The following PPM1B variants were observed in gnomAD, a reference collection of about 807,000 sequenced individuals.
PPM1B encodes the protein protein phosphatase, Mg2+/Mn2+ dependent 1B.
Under a neutral mutation model 43.0 loss-of-function variants are expected in PPM1B, and 22 were observed. That is an observed-to-expected ratio of 0.51 (90% CI 0.37 to 0.73). The LOEUF (loss-of-function observed/expected upper bound fraction) is 0.73, where lower values mean the gene tolerates loss of function less well. PPM1B is among the 30% of genes least tolerant of loss of function. The probability of loss-of-function intolerance (pLI) is 0.00; values close to 1 mark genes in which losing one functional copy is unlikely to be tolerated. For synonymous variants in PPM1B, 217 were observed against 197.9 expected, an observed-to-expected ratio of 1.10 and a Z score of -0.81; for missense variants, 632 against 584.2, an observed-to-expected ratio of 1.08 and a Z score of -0.84.
In PPM1B at chr2:44,207,149, A is replaced by G. The variant is rs17032043; in HGVS notation, c.847-2061A>G. On this transcript the variant is annotated intron_variant, in intron 2 of 5. Transcript: ENST00000282412. ...TATTTTGAAGTCTTCTGAAGACCCA[A>G]CCTTCACTGCCTTCAAACTTTACTC... is the stretch of plus-strand genomic sequence containing the variant. Among the ~76,000 whole-genome samples, 404 of 152,278 alleles carry G rather than the reference A, an allele frequency of 2.7e-3. 3 individuals carry two copies. The highest frequency in any genetic ancestry group is 8.9e-3 in the African/African-American group (370 of 41,532).
At chr2:44,206,236 A>G (rs1669182636) in intron 2 of PPM1B, among the ~76,000 whole-genome samples, 2 of 152,328 alleles carry the variant, frequency 1.3e-5, no homozygotes, top group East Asian at 1.9e-4. Context: ...AGAAAAAAAA[A>G]TGTTTTATTT....
chr2:44,214,733 AACTG>A (rs990669890), intron 3 of PPM1B, among the ~76,000 whole-genome samples: 2 of 152,176 alleles, frequency 1.3e-5, no homozygotes, highest in African/African-American at 2.4e-5. Context: ...GTTTTCAGTA[AACTG>A]ACTGAGCAGG....
chr2:44,244,287 CAGTGGCTGGCAGACCTTCCA>C, exon 6 of PPM1B: 7 of 1,360,096 alleles, frequency 5.1e-6, no homozygotes, highest in Non-Finnish European at 6.9e-6. Context: ...ACAAGAAAGG[CAGTGGCTGGCAGACCTTCCA>C]AGCACTCAGA....
chr2:44,239,473 A>AT (rs1440344790), downstream of PPM1B, among the ~76,000 whole-genome samples: 4 of 151,516 alleles, frequency 2.6e-5, no homozygotes, highest in African/African-American at 7.3e-5. Context: ...GCTATTTGTC[A>AT]TTTTTTTGCT....
chr2:44,197,690 T>G (rs935238509), intron 1 of PPM1B, among the ~76,000 whole-genome samples: 2 of 152,178 alleles, frequency 1.3e-5, no homozygotes, highest in Admixed American at 6.5e-5. Context: ...AATGCAAGAT[T>G]TAGGCTAGTC....
chr2:44,228,187 C>CTTTTT lies in PPM1B; in HGVS notation c.1135-2210_1135-2206dup, dbSNP rs372577752. Reference sequence around the variant, plus strand: ...TCCACCCGCCTCAGCCTAACAAGCCCTTTTTTTTTTTTTTTTTTTTAAGAG... The same window carrying CTTTTT: ...TCCACCCGCCTCAGCCTAACAAGCCCTTTTTTTTTTTTTTTTTTTTTTTTTAAGAG... On this transcript the variant is annotated intron_variant, in intron 5 of 5. Transcript: ENST00000282412. 2.6e-5 allele frequency among the ~76,000 whole-genome samples: 3 copies of CTTTTT among 115,156 alleles called. No homozygotes were observed. In the East Asian group the frequency reaches 7.6e-4, roughly 29 times the overall value. The allele number at this position is 115,156 out of a possible 152,430, so 75.5% of individuals were successfully genotyped here.
chr2:44,186,621 C>T (rs766046909), intron 1 of PPM1B, among the ~76,000 whole-genome samples: 5 of 152,310 alleles, frequency 3.3e-5, no homozygotes, highest in Non-Finnish European at 5.9e-5. Flanking sequence ...GCAATCCACC[C>T]GCCTGAGCCT....
intron 1 of PPM1B, among the ~76,000 whole-genome samples, chr2:44,171,947 C>A (rs1348638870): frequency 1.3e-5 from 2 of 151,688 alleles, no homozygotes; most frequent in Admixed American, 6.6e-5. Context: ...AATTCTAACT[C>A]TCGCTTTTAA....
intron 5 of PPM1B, among the ~76,000 whole-genome samples, chr2:44,228,413 ATCC>A (rs1221520248): frequency 6.6e-6 from 1 of 152,068 alleles, no homozygotes; most frequent in Non-Finnish European, 1.5e-5. Context: ...ACCTCAAGGA[ATCC>A]TCCTACCCGT....
intron 1 of PPM1B, among the ~76,000 whole-genome samples, chr2:44,195,394 T>C (rs542881986): frequency 6.6e-6 from 1 of 152,034 alleles, no homozygotes; most frequent in South Asian, 2.1e-4. Flanking sequence ...TTTTTTTTGG[T>C]AGAGATAGGG....
downstream of PPM1B, among the ~76,000 whole-genome samples, chr2:44,244,820 G>GATAGATATATAT (rs1553339292): frequency 1.5e-5 from 2 of 129,914 alleles, no homozygotes; most frequent in African/African-American, 2.9e-5. Flanking sequence ...AATTACTTGA[G>GATAGATATATAT]ATATATATAT....
At chr2:44,230,144 A>G in intron 5 of PPM1B, 4 of 1,443,534 alleles carry the variant, frequency 2.8e-6, no homozygotes, top group Non-Finnish European at 3.6e-6. Context: ...TTGAATTATA[A>G]AAGCTGAGTA....
chr2:44,178,450 A>ATG (rs1193096840), intron 1 of PPM1B, among the ~76,000 whole-genome samples: 24 of 129,674 alleles, frequency 1.9e-4, no homozygotes, highest in African/African-American at 3.9e-4. Flanking sequence ...TATTTTATAT[A>ATG]TGTATATATA....
intron 1 of PPM1B, among the ~76,000 whole-genome samples, chr2:44,173,807 G>T (rs1667460663): frequency 6.6e-6 from 1 of 152,088 alleles, no homozygotes; most frequent in African/African-American, 2.4e-5. Context: ...AGCCGGGTGT[G>T]GTGGCACATG....
At chr2:44,192,373 G>T (rs954016163) in intron 1 of PPM1B, among the ~76,000 whole-genome samples, 14 of 151,982 alleles carry the variant, frequency 9.2e-5, no homozygotes, top group Middle Eastern at 3.4e-3. Flanking sequence ...CACAAACCAT[G>T]CCCGGCTAAT....
chr2:44,235,968 C>G (rs900459670), downstream of PPM1B, among the ~76,000 whole-genome samples: 1 of 151,842 alleles, frequency 6.6e-6, no homozygotes, highest in African/African-American at 2.4e-5. Flanking sequence ...AAGGAATAAA[C>G]AATCTAAGCA....
At chr2:44,205,499 T>G (rs1265524412) in intron 2 of PPM1B, among the ~76,000 whole-genome samples, 3 of 152,172 alleles carry the variant, frequency 2.0e-5, no homozygotes, top group African/African-American at 7.2e-5. Flanking sequence ...TTCCCCTTGA[T>G]GTTTCTGCTT....
At chr2:44,178,474 ATTT>A (rs57257505) in intron 1 of PPM1B, among the ~76,000 whole-genome samples, 7 of 135,312 alleles carry the variant, frequency 5.2e-5, no homozygotes, top group South Asian at 2.4e-4. Flanking sequence ...ATATATATAT[ATTT>A]TTTTTTTTAG....
At chr2:44,185,136 A>C (rs1052948748) in intron 1 of PPM1B, among the ~76,000 whole-genome samples, 18 of 151,878 alleles carry the variant, frequency 1.2e-4, no homozygotes, top group Admixed American at 4.6e-4. Context: ...TTTACATTTC[A>C]TTTAAATGGA....
Sources: gnomAD v4.1 joint callset for allele counts (sites outside exome capture counted in the v4.1 genomes callset) on GRCh38, gnomAD v4.1.1 for gene constraint, MANE v1.5 for transcripts, NCBI Gene and HGNC (gene_info 2026-07-23, HGNC 2026-07-21) for gene names.